The following LAMA2 variants were observed in gnomAD, a reference collection of about 807,000 sequenced individuals.
LAMA2 encodes the protein laminin subunit alpha 2.
LAMA2 carries 269 observed loss-of-function variants against 364.8 expected under a neutral mutation model. The observed-to-expected ratio is 0.74, with a 90% CI of 0.67 to 0.82. The LOEUF is 0.82. Among genes scored for constraint, LAMA2 ranks in the 40% least tolerant of loss-of-function variants. The probability of loss-of-function intolerance (pLI) is 0.00; values close to 1 mark genes in which losing one functional copy is unlikely to be tolerated. For missense variants in LAMA2, 3,807 were observed against 3,873.2 expected (o/e 0.98, Z 0.45); for synonymous variants, 1,379 against 1,370.6 (o/e 1.01, Z -0.14).
intron 44 of LAMA2, among the ~76,000 whole-genome samples, chr6:129,445,029 A>G (rs1782298480): frequency 6.6e-6 from 1 of 152,196 alleles, no homozygotes; most frequent in Non-Finnish European, 1.5e-5. Context: ...TTAACCTACA[A>G]AAACAGCTGT....
intron 17 of LAMA2, among the ~76,000 whole-genome samples, chr6:129,271,413 C>T (rs903443157): frequency 1.3e-5 from 2 of 151,386 alleles, no homozygotes; most frequent in Admixed American, 1.3e-4. Context: ...TCTCAGTAAA[C>T]AGCTAAGCAC....
chr6:129,490,979 C>G (rs1033318900), intron 56 of LAMA2: 2 of 152,030 alleles, frequency 1.3e-5, no homozygotes, highest in African/African-American at 4.8e-5. Context: ...TTGTTTTTTC[C>G]AGTTCTACAT....
intron 1 of LAMA2, among the ~76,000 whole-genome samples, chr6:128,986,850 CTT>C (rs1458202167): frequency 2.0e-5 from 3 of 151,970 alleles, no homozygotes; most frequent in Non-Finnish European, 4.4e-5. Context: ...GATGTAAAAA[CTT>C]TTACATAGTT....
chr6:128,931,634 G>A (rs1055987210), intron 1 of LAMA2, among the ~76,000 whole-genome samples: 19 of 152,058 alleles, frequency 1.2e-4, no homozygotes, highest in African/African-American at 4.6e-4. Flanking sequence ...GTGAACTCTG[G>A]GTCACAGCTT....
intron 22 of LAMA2, among the ~76,000 whole-genome samples, chr6:129,303,093 C>T (rs1773649056): frequency 6.6e-6 from 1 of 152,086 alleles, no homozygotes; most frequent in Non-Finnish European, 1.5e-5. Flanking sequence ...ATGAACATGG[C>T]ATAACTCTGC....
chr6:129,385,667 C>A (rs1778976092), intron 35 of LAMA2, among the ~76,000 whole-genome samples: 1 of 152,128 alleles, frequency 6.6e-6, no homozygotes, highest in South Asian at 2.1e-4. Flanking sequence ...ATCTACCGTG[C>A]TATGACTCCT....
At chr6:129,348,050 G>C (rs1021754846) in intron 30 of LAMA2, among the ~76,000 whole-genome samples, 1 of 152,216 alleles carries the variant, frequency 6.6e-6, no homozygotes, top group East Asian at 1.9e-4. Flanking sequence ...GTTCGCGTAT[G>C]CGTGCATGTG....
In LAMA2 at chr6:129,440,989, T is replaced by C. The variant is rs764376457; in HGVS notation, c.6259T>C (p.Ser2087Pro). ...AKTNAVVKDP[S>P]KNKIIADADA... ...AACGAATGCTGTGGTTAAAGATCCT[T>C]CCAAGAACAGTAAGATCTCCTTTTT... The change falls in exon 43 of 65, where the codon TCC becomes CCC. Residue 2087 changes from serine to proline, a missense_variant. Ser to Pro is a moderately conservative substitution (Grantham distance 74). Around this residue, in one of 3 missense-constraint regions of LAMA2, gnomAD observed 3,333 missense variants for 3,345.7 expected, o/e 1.00. Transcript: ENST00000421865. 1.2e-6 allele frequency: 2 copies of C among 1,612,712 alleles called. No homozygotes were observed. Among genetic ancestry groups the C allele is most frequent in the Non-Finnish European group, 1.7e-6 (2 of 1,178,908 alleles).
chr6:129,467,396 C>T (rs1783597179), intron 51 of LAMA2, among the ~76,000 whole-genome samples: 1 of 151,796 alleles, frequency 6.6e-6, no homozygotes, highest in African/African-American at 2.4e-5. Flanking sequence ...TAAAAATCGC[C>T]TGTTGGGTAC....
At chr6:129,261,618 G>C (rs1198742846) in intron 15 of LAMA2, among the ~76,000 whole-genome samples, 1 of 152,028 alleles carries the variant, frequency 6.6e-6, no homozygotes, top group Non-Finnish European at 1.5e-5. Context: ...TGCCTTTAAG[G>C]AATCATTTGA....
At chr6:129,460,797 T>C (rs1783213978) in intron 49 of LAMA2, among the ~76,000 whole-genome samples, 1 of 151,218 alleles carries the variant, frequency 6.6e-6, no homozygotes, top group East Asian at 2.0e-4. Flanking sequence ...TCTTACAGGA[T>C]TTTTTTTTAA....
At chr6:128,911,111 A>C (rs1777901386) in intron 1 of LAMA2, among the ~76,000 whole-genome samples, 2 of 152,148 alleles carry the variant, frequency 1.3e-5, no homozygotes, top group Admixed American at 1.3e-4. Flanking sequence ...CCCTGCCCCC[A>C]GAGGTGGAGC....
chr6:129,452,882 A>T (rs1782753074), intron 45 of LAMA2, 106 bp from the exon 46 acceptor site: 8 of 978,810 alleles, frequency 8.2e-6, no homozygotes, highest in Middle Eastern at 2.1e-4. Context: ...GATGATAGAA[A>T]ATAACTTCAA....
At chr6:129,416,420 G>T (rs1412315684) in intron 40 of LAMA2, among the ~76,000 whole-genome samples, 2 of 151,718 alleles carry the variant, frequency 1.3e-5, no homozygotes, top group African/African-American at 2.4e-5. Flanking sequence ...TGTATATTTT[G>T]CTTTCTCCAT....
rs558858027 is a variant in LAMA2 at position 129,411,616 on chromosome 6, T to C, written c.5865+7657T>C. On this transcript the variant is annotated intron_variant, in intron 40 of 64. Transcript: ENST00000421865. ...AGCTTTTTCTTGCAATGGGGTTAGG[T>C]GTCTAAGGAATAAACAGGACTTTTG... Among the ~76,000 whole-genome samples the C allele has an allele frequency of 1.5e-4, 23 of 152,268 alleles. No individual in the cohort carries two copies. In the East Asian group the frequency reaches 4.2e-3, roughly 28 times the overall value.
Position 129,486,682 on chromosome 6 carries a change from C to T in LAMA2, c.7898+60C>T, listed in dbSNP as rs115725714. The stretch of plus-strand genomic sequence containing the variant: ...TCAGGTGAACTTCCTTTGCTAGCAT[C>T]GGTATCTATCAGTATCTGCCTGAAC... On this transcript the variant is annotated intron_variant, in intron 56 of 64. Transcript: ENST00000421865. 1.7e-4 allele frequency: 248 copies of T among 1,470,002 alleles called. No homozygotes were observed. In the African/African-American group the frequency reaches 3.1e-3, roughly 18 times the overall value. The allele number at this position is 1,470,002 out of a possible 1,614,324, so 91.1% of individuals were successfully genotyped here.
At chr6:129,492,726 A>G (rs1032292582) in intron 58 of LAMA2, among the ~76,000 whole-genome samples, 2 of 152,216 alleles carry the variant, frequency 1.3e-5, no homozygotes, top group Admixed American at 6.5e-5. Context: ...ATCCAGAATC[A>G]TGAATAAAAG....
At chr6:129,024,330 A>G (rs1324361414) in intron 1 of LAMA2, among the ~76,000 whole-genome samples, 2 of 151,060 alleles carry the variant, frequency 1.3e-5, no homozygotes, top group African/African-American at 4.8e-5. Context: ...AGTTATGTCC[A>G]AGGAACATAT....
intron 53 of LAMA2, 151 bp downstream of exon 53, chr6:129,475,552 T>C: frequency 1.7e-6 from 1 of 589,620 alleles, no homozygotes; most frequent in South Asian, 2.3e-5. Context: ...CTGTGAGAGT[T>C]CTCCTGCTGC....
Sources: allele counts gnomAD v4.1 joint callset (sites outside exome capture counted in the v4.1 genomes callset), GRCh38; gene constraint gnomAD v4.1.1; regional missense constraint gnomAD v4.1.1; transcripts MANE v1.5; gene names NCBI Gene and HGNC (gene_info 2026-07-23, HGNC 2026-07-21).